DLG2: variants seen among roughly 807,000 people sequenced by gnomAD.
The protein encoded by DLG2 is discs large MAGUK scaffold protein 2.
In DLG2, 45 loss-of-function variants were observed where a neutral mutation model predicts 132.5. The observed-to-expected ratio is 0.34, with a 90% CI of 0.27 to 0.44. DLG2 has a LOEUF of 0.44. Among genes scored for constraint, DLG2 ranks in the 20% least tolerant of loss-of-function variants. DLG2 has a pLI of 1.00. For missense variants in DLG2, 1,045 were observed against 1,196.9 expected, an observed-to-expected ratio of 0.87 and a Z score of 1.87; for synonymous variants, 424 against 419.6, an observed-to-expected ratio of 1.01 and a Z score of -0.13.
chr11:85,230,643 T>A (rs995101803), intron 4 of DLG2, among the ~76,000 whole-genome samples: 2 of 151,934 alleles, frequency 1.3e-5, no homozygotes, highest in Non-Finnish European at 2.9e-5. Context: ...AAGATTTCTC[T>A]TTATCTTTGG....
chr11:85,487,884 G>T (rs762472657), intron 3 of DLG2, among the ~76,000 whole-genome samples: 5 of 152,116 alleles, frequency 3.3e-5, no homozygotes, highest in Non-Finnish European at 5.9e-5. Context: ...AATATGGTTT[G>T]GCTCTGTGTC....
In DLG2 at chr11:85,306,729, C is replaced by T. The variant is rs748246400; in HGVS notation, c.41-21364G>A. 7.2e-5 allele frequency among the ~76,000 whole-genome samples: 11 copies of T among 152,152 alleles called. No homozygotes were observed. The South Asian group carries it at 1.4e-3, about 20-fold the overall frequency. The stretch of plus-strand genomic sequence containing the variant: ...CTGGGACTACCAGCGCCCACCACCA[C>T]GCCCGGCTAATTTTTTGTATTTTTA... On this transcript the variant is annotated intron_variant, in intron 3 of 27. Transcript: ENST00000376104.
chr11:84,122,613 G>A lies in DLG2; in HGVS notation c.625-23566C>T, dbSNP rs560609399. Among the ~76,000 whole-genome samples, 16 of 152,218 alleles carry A rather than the reference G, an allele frequency of 1.1e-4. No individual in the cohort carries two copies. In the South Asian group the frequency reaches 2.9e-3, roughly 28 times the overall value. ...AAAAAAAGTTGTCGGGCTGTGTTTC[G>A]GGAGATGTTGACTCATTTTCAGCAC... On this transcript the variant is annotated intron_variant, in intron 9 of 27. Transcript: ENST00000376104.
At chr11:84,243,567 T>C (rs1045323917) in intron 8 of DLG2, among the ~76,000 whole-genome samples, 2 of 152,362 alleles carry the variant, frequency 1.3e-5, no homozygotes, top group Middle Eastern at 3.4e-3. Flanking sequence ...TAAATATGCA[T>C]ACAAATCACT....
chr11:83,967,972 A>C (rs12290311), intron 12 of DLG2, among the ~76,000 whole-genome samples: 7,834 of 152,230 alleles, frequency 0.051, 267 homozygotes, highest in Middle Eastern at 0.086. Context: ...TGAAAAGACT[A>C]GCCTTTCTTC....
chr11:85,527,878 T>C (rs1303392496), intron 3 of DLG2, among the ~76,000 whole-genome samples: 1 of 152,206 alleles, frequency 6.6e-6, no homozygotes, highest in Non-Finnish European at 1.5e-5. Context: ...GACTTTTTAA[T>C]GGTCACCATT....
chr11:85,457,025 G>A (rs2092444864), intron 3 of DLG2, among the ~76,000 whole-genome samples: 2 of 152,082 alleles, frequency 1.3e-5, no homozygotes, highest in African/African-American at 4.8e-5. Context: ...TACTGTCAGT[G>A]GGGTGTTGAA....
chr11:84,970,638 C>A (rs894670574), intron 6 of DLG2, among the ~76,000 whole-genome samples: 13 of 152,086 alleles, frequency 8.5e-5, no homozygotes, highest in Admixed American at 2.6e-4. Flanking sequence ...TAATAGCAAC[C>A]CTTTAGGGGT....
At chr11:84,306,057 C>T (rs1229208162) in intron 7 of DLG2, among the ~76,000 whole-genome samples, 4 of 151,984 alleles carry the variant, frequency 2.6e-5, no homozygotes, top group African/African-American at 4.8e-5. Context: ...AACATCACTC[C>T]TTTTCTGTTC....
At chr11:84,951,917 T>A (rs761925637) in intron 6 of DLG2, among the ~76,000 whole-genome samples, 1 of 152,188 alleles carries the variant, frequency 6.6e-6, no homozygotes, top group East Asian at 1.9e-4. Flanking sequence ...GAGTTAATAC[T>A]ATTGCTCTGT....
chr11:84,275,591 G>A (rs535641210), intron 7 of DLG2, among the ~76,000 whole-genome samples: 5 of 152,242 alleles, frequency 3.3e-5, no homozygotes, highest in African/African-American at 7.2e-5. Context: ...TCCTGACCTC[G>A]TGATCCACCT....
chr11:83,770,265 G>GTTTTTTTTTGTT (rs71066064), intron 18 of DLG2, among the ~76,000 whole-genome samples: 3 of 128,772 alleles, frequency 2.3e-5, no homozygotes, highest in African/African-American at 9.8e-5. Context: ...GTTTTTTTTT[G>GTTTTTTTTTGTT]TTTTTTTGCT....
At chr11:84,011,434 G>A (rs2094885531) in intron 11 of DLG2, among the ~76,000 whole-genome samples, 1 of 152,032 alleles carries the variant, frequency 6.6e-6, no homozygotes, top group African/African-American at 2.4e-5. Context: ...CAGTACCACT[G>A]TATTCCAGCT....
At chr11:85,550,407 G>C (rs947741478) in intron 3 of DLG2, among the ~76,000 whole-genome samples, 1 of 152,208 alleles carries the variant, frequency 6.6e-6, no homozygotes, top group Non-Finnish European at 1.5e-5. Flanking sequence ...CTGCCAGCGC[G>C]CAAAGGTGCT....
At chr11:85,214,900 T>C (rs1213115184) in intron 4 of DLG2, among the ~76,000 whole-genome samples, 9 of 152,264 alleles carry the variant, frequency 5.9e-5, no homozygotes, top group African/African-American at 1.9e-4. Flanking sequence ...TTATCAAAAA[T>C]AGAGAGATTT....
At chr11:84,607,551 G>A (rs1420134087) in intron 6 of DLG2, among the ~76,000 whole-genome samples, 1 of 151,916 alleles carries the variant, frequency 6.6e-6, no homozygotes, top group Non-Finnish European at 1.5e-5. Context: ...TCTGTCTCCT[G>A]AACTTATTAA....
chr11:85,394,846 T>C (rs1316723715), intron 3 of DLG2, among the ~76,000 whole-genome samples: 8 of 152,188 alleles, frequency 5.3e-5, no homozygotes, highest in Admixed American at 1.3e-4. Context: ...CTGTTCTTAG[T>C]GTAAGAACAT....
chr11:84,628,088 G>A (rs10898279), intron 6 of DLG2, among the ~76,000 whole-genome samples: 83,742 of 151,050 alleles, frequency 0.55, 23,366 homozygotes, highest in East Asian at 0.63. Context: ...ATATATATAT[G>A]TACACACATA....
chr11:85,523,494 T>C (rs868818465), intron 3 of DLG2, among the ~76,000 whole-genome samples: 4 of 152,124 alleles, frequency 2.6e-5, no homozygotes, highest in South Asian at 2.1e-4. Context: ...CTCAACATCA[T>C]TGAACATCAG....
Sources: allele counts gnomAD v4.1 joint callset (sites outside exome capture counted in the v4.1 genomes callset), GRCh38; gene constraint gnomAD v4.1.1; transcripts MANE v1.5; gene names NCBI Gene and HGNC (gene_info 2026-07-23, HGNC 2026-07-21).